The following PIK3AP1 variants were observed in gnomAD, a reference collection of about 807,000 sequenced individuals.
PIK3AP1 encodes phosphoinositide 3-kinase adapter protein 1.
In PIK3AP1, 21 loss-of-function variants were observed where a neutral mutation model predicts 88.1. That is an observed-to-expected ratio of 0.24 (90% CI 0.17 to 0.34). The LOEUF (loss-of-function observed/expected upper bound fraction) is 0.34, where lower values mean the gene tolerates loss of function less well. PIK3AP1 is among the 10% of genes least tolerant of loss of function. PIK3AP1 has a pLI of 1.00. For missense variants in PIK3AP1, 828 were observed against 1,035.7 expected (o/e 0.80, Z 2.75); for synonymous variants, 398 against 400.0 (o/e 1.00, Z 0.06).
chr10:96,596,875 C>T (rs1356783288), intron 16 of PIK3AP1, among the ~76,000 whole-genome samples: 1 of 152,168 alleles, frequency 6.6e-6, no homozygotes, highest in African/African-American at 2.4e-5. Flanking sequence ...CTGTGCCACC[C>T]TGGAGTTGCA....
chr10:96,636,221 A>T (rs978155674), intron 8 of PIK3AP1, among the ~76,000 whole-genome samples: 9 of 152,218 alleles, frequency 5.9e-5, no homozygotes, highest in East Asian at 1.9e-4. Context: ...CGTCTCAGAA[A>T]AAATAAATAA....
At position 96,632,951 on chromosome 10, in the gene PIK3AP1, G is replaced by A. The variant is rs550992752; in HGVS notation, c.1376-4458C>T. ...CAAAGATAAAGGACACAAGCTAGCAGGGCAGTGAAGAGAGCTGGTCTTCCT... is the reference window on the plus strand; with the variant it reads ...CAAAGATAAAGGACACAAGCTAGCAAGGCAGTGAAGAGAGCTGGTCTTCCT... On this transcript the variant is annotated intron_variant, in intron 8 of 16. Coordinates refer to ENST00000339364, the MANE Select transcript of PIK3AP1 (RefSeq NM_152309.3). 31 of 1,612,858 alleles carry A rather than the reference G, an allele frequency of 1.9e-5. No individual in the cohort carries two copies. The African/African-American group carries it at 4.0e-4, about 21-fold the overall frequency.
intron 7 of PIK3AP1, among the ~76,000 whole-genome samples, chr10:96,647,243 A>G (rs12240688): frequency 0.016 from 2,451 of 152,324 alleles, 76 homozygotes; most frequent in African/African-American, 0.053. Flanking sequence ...CCCGGGCTTC[A>G]GTATCAAACT....
chr10:96,700,568 A>G (rs537626240), intron 2 of PIK3AP1, among the ~76,000 whole-genome samples: 7 of 152,306 alleles, frequency 4.6e-5, no homozygotes, highest in Admixed American at 2.0e-4. Flanking sequence ...AGATCATTTC[A>G]AAAAGGAAGA....
Position 96,620,698 on chromosome 10 carries a change from T to C in PIK3AP1, c.1736-141A>G, listed in dbSNP as rs540128537. The C allele has an allele frequency of 1.0e-4, 69 of 680,436 alleles. No individual in the cohort carries two copies. In the South Asian group the frequency reaches 1.2e-3, roughly 12 times the overall value. The allele number at this position is 680,436 out of a possible 1,614,324, so 42.1% of individuals were successfully genotyped here. A position where few individuals can be genotyped will look rare whatever the true frequency, so the allele number is the denominator to read the frequency against. ...TTACATGTGGCCAAGAAGGGGGAGATACAACATAAAATCAGGGGAGAAGAA... is the reference window on the plus strand; with the variant it reads ...TTACATGTGGCCAAGAAGGGGGAGACACAACATAAAATCAGGGGAGAAGAA... On this transcript the variant is annotated intron_variant, in intron 11 of 16. Coordinates refer to ENST00000339364, the MANE Select transcript of PIK3AP1 (RefSeq NM_152309.3).
At chr10:96,698,625 C>T (rs1029156534) in intron 2 of PIK3AP1, among the ~76,000 whole-genome samples, 17 of 152,104 alleles carry the variant, frequency 1.1e-4, no homozygotes, top group Admixed American at 1.0e-3. Context: ...TCCAGCTACT[C>T]GGGAGGCTGA....
intron 3 of PIK3AP1, among the ~76,000 whole-genome samples, chr10:96,654,260 G>T (rs1389955184): frequency 6.6e-6 from 1 of 152,142 alleles, no homozygotes. Flanking sequence ...TGCTGGTTAC[G>T]TGGGGGGAAT....
At chr10:96,707,780 C>T (rs760607212) in intron 2 of PIK3AP1, among the ~76,000 whole-genome samples, 6 of 152,144 alleles carry the variant, frequency 3.9e-5, no homozygotes, top group Non-Finnish European at 8.8e-5. Flanking sequence ...TTGGGCAGAT[C>T]ACAATTCCTT....
chr10:96,712,153 T>C (rs778314172), intron 1 of PIK3AP1, among the ~76,000 whole-genome samples: 72 of 152,288 alleles, frequency 4.7e-4, no homozygotes, highest in Non-Finnish European at 7.2e-4. Context: ...CCAGTGCTAA[T>C]ATAAAGCCCA....
At chr10:96,612,974 ATATATATATTTTTTTTTTTTTTTTTT>A (rs1849146438) in intron 13 of PIK3AP1, among the ~76,000 whole-genome samples, 3 of 84,870 alleles carry the variant, frequency 3.5e-5, no homozygotes, top group African/African-American at 6.1e-5. Flanking sequence ...ATATATATAT[ATATATATATTTTTTTTTTTTTTTTTT>A]TTTTTTTTTT....
At chr10:96,708,596 A>G (rs373059700) in intron 2 of PIK3AP1, among the ~76,000 whole-genome samples, 9 of 150,426 alleles carry the variant, frequency 6.0e-5, no homozygotes, top group African/African-American at 2.2e-4. Flanking sequence ...AAAAAAAAAA[A>G]AAAAAGCAAA....
At position 96,689,575 on chromosome 10, in the gene PIK3AP1, CAA is replaced by C. The variant is rs56828361; in HGVS notation, c.430+19990_430+19991del. Among the ~76,000 whole-genome samples the C allele has an allele frequency of 6.6e-3, 467 of 70,436 alleles. 2 individuals are homozygous for C. Among genetic ancestry groups the C allele is most frequent in the African/African-American group, 0.022 (433 of 19,396 alleles). The allele number at this position is 70,436 out of a possible 152,430, so 46.2% of individuals were successfully genotyped here. A position where few individuals can be genotyped will look rare whatever the true frequency, so the allele number is the denominator to read the frequency against. ...ACAGAGCAAGAGCAAGACTCTGTCT[CAA>C]AAAAAAAAAAAAAAAAAAAAAATCC... On this transcript the variant is annotated intron_variant, in intron 2 of 16. Coordinates refer to ENST00000339364, the MANE Select transcript of PIK3AP1 (RefSeq NM_152309.3).
At chr10:96,648,879 A>G in intron 6 of PIK3AP1, 24 bp from the exon 7 acceptor site, 1 of 1,529,120 alleles carries the variant, frequency 6.5e-7, no homozygotes, top group South Asian at 1.3e-5. Context: ...AGGAAAACTT[A>G]ATAGGCAGAT....
rs180900965 is a variant in PIK3AP1 at position 96,713,248 on chromosome 10, A to G, written c.14-3265T>C. 2.0e-5 allele frequency among the ~76,000 whole-genome samples: 3 copies of G among 152,134 alleles called. No homozygotes were observed. In the East Asian group the frequency reaches 5.8e-4, roughly 29 times the overall value. On this transcript the variant is annotated intron_variant, in intron 1 of 16. Transcript: ENST00000339364. ...CGCGGTGGGTCACACCTGTAATCCC[A>G]GCACTTTGGTAGGCCGAGGCAGGCA...
At chr10:96,656,356 A>G (rs974822693) in intron 3 of PIK3AP1, among the ~76,000 whole-genome samples, 5 of 152,196 alleles carry the variant, frequency 3.3e-5, no homozygotes, top group Admixed American at 6.5e-5. Context: ...AGTTGGTTTC[A>G]GCCGTCAAGC....
chr10:96,703,496 C>T (rs191274464), intron 2 of PIK3AP1, among the ~76,000 whole-genome samples: 23 of 152,288 alleles, frequency 1.5e-4, no homozygotes, highest in Non-Finnish European at 2.9e-4. Context: ...GCACATCACA[C>T]GAATGAGAAC....
intron 6 of PIK3AP1, among the ~76,000 whole-genome samples, chr10:96,650,331 A>T (rs779961984): frequency 6.6e-6 from 1 of 152,204 alleles, no homozygotes; most frequent in African/African-American, 2.4e-5. Context: ...GTGTAGTGCA[A>T]CCATGGCATG....
chr10:96,719,183 A>G (rs1844540762), intron 1 of PIK3AP1, among the ~76,000 whole-genome samples: 1 of 151,944 alleles, frequency 6.6e-6, no homozygotes, highest in Non-Finnish European at 1.5e-5. Context: ...GTGATTAACT[A>G]CCTTCCCATC....
chr10:96,652,374 C>A (rs1478952069), intron 4 of PIK3AP1, among the ~76,000 whole-genome samples: 1 of 152,062 alleles, frequency 6.6e-6, no homozygotes, highest in African/African-American at 2.4e-5. Flanking sequence ...GAGATTGAGA[C>A]CATCCTGGCT....
Sources: gnomAD v4.1 joint callset for allele counts (sites outside exome capture counted in the v4.1 genomes callset) on GRCh38, gnomAD v4.1.1 for gene constraint, MANE v1.5 for transcripts, NCBI Gene and HGNC (gene_info 2026-07-23, HGNC 2026-07-21) for gene names.